GLIS3: variants seen among roughly 807,000 people sequenced by gnomAD.
GLIS3 encodes GLIS family zinc finger 3.
In GLIS3, 53 loss-of-function variants were observed where a neutral mutation model predicts 78.6. The observed-to-expected ratio is 0.67, with a 90% CI of 0.54 to 0.85. GLIS3 has a LOEUF of 0.85. Among genes scored for constraint, GLIS3 ranks in the 40% least tolerant of loss-of-function variants. The probability of loss-of-function intolerance (pLI) is 0.00; values close to 1 mark genes in which losing one functional copy is unlikely to be tolerated. For missense variants in GLIS3, 1,703 were observed against 1,231.1 expected (o/e 1.38, Z -5.74); for synonymous variants, 684 against 509.9 (o/e 1.34, Z -4.60).
At chr9:4,446,504 A>ATTTTT in the GLIS3 span, among the ~76,000 whole-genome samples, 2 of 124,138 alleles carry the variant, frequency 1.6e-5, no homozygotes, top group Non-Finnish European at 3.3e-5. Flanking sequence ...AAATATCCAA[A>ATTTTT]TTTTTTTTTT....
intron 6 of GLIS3, among the ~76,000 whole-genome samples, chr9:3,913,735 C>T (rs1365588425): frequency 6.6e-6 from 1 of 152,150 alleles, no homozygotes; most frequent in Non-Finnish European, 1.5e-5. Context: ...GCTGTTAGCA[C>T]TCGTGATTTT....
intron 2 of GLIS3, among the ~76,000 whole-genome samples, chr9:4,243,119 C>G (rs537539074): frequency 6.6e-6 from 1 of 152,314 alleles, no homozygotes; most frequent in East Asian, 1.9e-4. Context: ...CACCAAGAAT[C>G]CTCTCTTGAG....
intron 2 of GLIS3, among the ~76,000 whole-genome samples, chr9:4,241,024 CAT>C (rs1282586033): frequency 1.4e-4 from 22 of 152,012 alleles, no homozygotes; most frequent in Non-Finnish European, 5.9e-5. Context: ...TCTTAACGTG[CAT>C]TTATTATCCT....
At chr9:4,289,155 C>T (rs781049966) in intron 1 of GLIS3, among the ~76,000 whole-genome samples, 1 of 152,172 alleles carries the variant, frequency 6.6e-6, no homozygotes, top group Non-Finnish European at 1.5e-5. Context: ...CCAAGTTCTA[C>T]TTCTGACAAA....
the GLIS3 span, among the ~76,000 whole-genome samples, chr9:4,393,797 AT>A: frequency 2.0e-5 from 3 of 152,120 alleles, no homozygotes; most frequent in Non-Finnish European, 4.4e-5. Flanking sequence ...ATTTTTAGTA[AT>A]GTTAACTTTG....
intron 2 of GLIS3, among the ~76,000 whole-genome samples, chr9:4,270,913 G>C (rs1205693366): frequency 7.1e-6 from 1 of 140,934 alleles, no homozygotes; most frequent in Non-Finnish European, 1.6e-5. Context: ...GTGTGTGTGT[G>C]TGTGTGTGTG....
the GLIS3 span, among the ~76,000 whole-genome samples, chr9:4,483,467 C>G: frequency 6.6e-6 from 1 of 152,256 alleles, no homozygotes; most frequent in Admixed American, 6.5e-5. Context: ...CGCCTGTAAT[C>G]TCAGCACTTT....
the GLIS3 span, among the ~76,000 whole-genome samples, chr9:4,473,745 T>C: frequency 6.6e-6 from 1 of 152,028 alleles, no homozygotes; most frequent in African/African-American, 2.4e-5. Flanking sequence ...TGAGTTTACC[T>C]ACATAACCAA....
chr9:3,997,385 A>G (rs929627702), intron 4 of GLIS3, among the ~76,000 whole-genome samples: 4 of 151,914 alleles, frequency 2.6e-5, no homozygotes, highest in Non-Finnish European at 5.9e-5. Flanking sequence ...ATAAAATAAA[A>G]TAAAATAAAA....
chr9:4,026,123 G>T (rs1823319302), intron 4 of GLIS3, among the ~76,000 whole-genome samples: 1 of 152,094 alleles, frequency 6.6e-6, no homozygotes, highest in South Asian at 2.1e-4. Context: ...AGTCTACAAA[G>T]GCTTTCTTCC....
rs541686250 is a variant in GLIS3 at position 3,895,837 on chromosome 9, T to G, written c.2128+2854A>C. Among the ~76,000 whole-genome samples the G allele has an allele frequency of 7.2e-5, 11 of 152,348 alleles. No individual in the cohort carries two copies. The South Asian group carries it at 2.3e-3, about 32-fold the overall frequency. ...TCAATCGTTGTGGCTTCTGAAAGAT[T>G]ATGGTGCTCAATGCCAAATTTAACT... On this transcript the variant is annotated intron_variant, in intron 7 of 10. Coordinates refer to ENST00000381971, the MANE Select transcript of GLIS3 (RefSeq NM_001042413.2).
At chr9:4,458,298 G>A in the GLIS3 span, among the ~76,000 whole-genome samples, 1 of 152,184 alleles carries the variant, frequency 6.6e-6, no homozygotes, top group Non-Finnish European at 1.5e-5. Context: ...TCTAGGCACT[G>A]GGGACACAGT....
At chr9:4,355,621 T>G in the GLIS3 span, among the ~76,000 whole-genome samples, 1 of 152,250 alleles carries the variant, frequency 6.6e-6, no homozygotes, top group African/African-American at 2.4e-5. Flanking sequence ...ACAAGCTTTA[T>G]CACCTTTGGA....
chr9:4,380,748 G>C, the GLIS3 span, among the ~76,000 whole-genome samples: 2 of 152,152 alleles, frequency 1.3e-5, no homozygotes, highest in Non-Finnish European at 2.9e-5. Flanking sequence ...TTTAAATAAA[G>C]TACGAAAGAA....
chr9:3,828,163 C>A lies in GLIS3; in HGVS notation c.*109G>T. On this transcript the variant is annotated 3_prime_UTR_variant, in exon 11 of 11. Coordinates refer to ENST00000381971, the MANE Select transcript of GLIS3 (RefSeq NM_001042413.2). ...AAAGAACATCAGTAACTCTGCAGGG[C>A]CCGCTGATTGGGCTGACATCCTTCC... is the stretch of plus-strand genomic sequence containing the variant. 1.3e-5 allele frequency: 17 copies of A among 1,279,940 alleles called. No individual in the cohort carries two copies. Among genetic ancestry groups the A allele is most frequent in the Non-Finnish European group, 1.9e-5 (17 of 886,466 alleles). The allele number at this position is 1,279,940 out of a possible 1,614,324, so 79.3% of individuals were successfully genotyped here.
chr9:4,482,328 T>G, the GLIS3 span, among the ~76,000 whole-genome samples: 2 of 152,246 alleles, frequency 1.3e-5, no homozygotes, highest in Non-Finnish European at 2.9e-5. Flanking sequence ...TATAAAATAT[T>G]ACTTGGAGAA....
At chr9:4,052,976 C>G (rs928623693) in intron 4 of GLIS3, among the ~76,000 whole-genome samples, 1 of 152,072 alleles carries the variant, frequency 6.6e-6, no homozygotes, top group Non-Finnish European at 1.5e-5. Context: ...TTGAAAGAGT[C>G]TCGCTGTGTT....
In GLIS3 at chr9:4,275,837, C is replaced by A. The variant is rs148943154; in HGVS notation, c.388+10201G>T. ...AGAATGAGATCACCAGCAAACTGAG[C>A]CTTGATGTCTTCATACCTAAAATGG... On this transcript the variant is annotated intron_variant, in intron 2 of 10. Coordinates refer to ENST00000381971, the MANE Select transcript of GLIS3 (RefSeq NM_001042413.2). Among the ~76,000 whole-genome samples, 355 of 152,254 alleles carry A rather than the reference C, an allele frequency of 2.3e-3. 1 individual carries two copies. Among genetic ancestry groups the A allele is most frequent in the African/African-American group, 8.3e-3 (345 of 41,550 alleles).
At chr9:4,018,460 T>C (rs762373204) in intron 4 of GLIS3, among the ~76,000 whole-genome samples, 4 of 152,290 alleles carry the variant, frequency 2.6e-5, no homozygotes, top group Middle Eastern at 3.4e-3. Context: ...ACACTTGGGG[T>C]GTACTTTTCA....
Sources: allele counts gnomAD v4.1 joint callset (sites outside exome capture counted in the v4.1 genomes callset), GRCh38; gene constraint gnomAD v4.1.1; transcripts MANE v1.5; gene names NCBI Gene and HGNC (gene_info 2026-07-23, HGNC 2026-07-21).